PPP1R1A: variants seen among roughly 807,000 people sequenced by gnomAD.
PPP1R1A encodes the protein protein phosphatase 1 regulatory inhibitor subunit 1A, also known as protein phosphatase 1 regulatory subunit 1A.
Under a neutral mutation model 23.9 loss-of-function variants are expected in PPP1R1A, and 18 were observed. That is an observed-to-expected ratio of 0.75 (90% CI 0.52 to 1.12). The LOEUF is 1.12. Ranked by LOEUF, PPP1R1A falls within the 50% of genes most tolerant of loss-of-function variation. PPP1R1A has a pLI of 0.00. For synonymous variants in PPP1R1A, 84 were observed against 80.7 expected (o/e 1.04, Z -0.22); for missense variants, 207 against 223.8 (o/e 0.92, Z 0.48).
intron 4 of PPP1R1A, 84 bp downstream of exon 4, chr12:54,582,648 A>T: frequency 6.7e-7 from 1 of 1,486,982 alleles, no homozygotes; most frequent in Non-Finnish European, 9.3e-7. Context: ...GGCAGATTTA[A>T]CGACCTCCCT....
intron 1 of PPP1R1A, among the ~76,000 whole-genome samples, chr12:54,586,565 G>A (rs562607796): frequency 6.6e-6 from 1 of 152,312 alleles, no homozygotes; most frequent in African/African-American, 2.4e-5. Context: ...TCTGGGTTAG[G>A]AGCACCTGCC....
In PPP1R1A at chr12:54,588,585, GC is replaced by G. The variant is rs1957936319; in HGVS notation, c.-98del. 1 of 647,106 alleles carries G rather than the reference GC, an allele frequency of 1.5e-6. No homozygotes were observed. Among genetic ancestry groups the G allele is most frequent in the Non-Finnish European group, 2.1e-6 (1 of 471,670 alleles). 40.1% of individuals were successfully genotyped at this position (647,106 alleles called of 1,614,324 possible). A position where few individuals can be genotyped will look rare whatever the true frequency, so the allele number is the denominator to read the frequency against. On this transcript the variant is annotated 5_prime_UTR_variant, in exon 1 of 7. Coordinates refer to ENST00000257905, the MANE Select transcript of PPP1R1A (RefSeq NM_006741.4). ...CGCGCTCCCTCTCCGCTCCGCTCCG[GC>G]CCCGGCCCCAGCCCGGCGCGCTCGG...
In PPP1R1A at chr12:54,580,323, A is replaced by C. The variant is rs1268804149; in HGVS notation, c.*64T>G. The stretch of plus-strand genomic sequence containing the variant: ...TTTTCCCCAAAAGTGAAGGAATAAG[A>C]AACAAATCCGGTGTCCATGCATTCC... On this transcript the variant is annotated 3_prime_UTR_variant, in exon 7 of 7. Transcript: ENST00000257905. 1.1e-5 allele frequency: 18 copies of C among 1,608,382 alleles called. No homozygotes were observed. The highest frequency in any genetic ancestry group is 1.5e-5 in the Non-Finnish European group (18 of 1,177,800).
rs1042669218 is a variant in PPP1R1A at position 54,584,201 on chromosome 12, A to G, written c.145+59T>C. ...TCTTCCATCTAGCGCCCATCTTCTCATTGGGACCTGCTGCCATAGTGGCCC... is the reference window on the plus strand; with the variant it reads ...TCTTCCATCTAGCGCCCATCTTCTCGTTGGGACCTGCTGCCATAGTGGCCC... On this transcript the variant is annotated intron_variant, in intron 2 of 6. Transcript: ENST00000257905. 1.4e-5 allele frequency: 20 copies of G among 1,467,828 alleles called. 1 individual carries two copies. In the Admixed American group the frequency reaches 2.5e-4, roughly 18 times the overall value. The allele number at this position is 1,467,828 out of a possible 1,614,324, so 90.9% of individuals were successfully genotyped here. A position where few individuals can be genotyped will look rare whatever the true frequency, so the allele number is the denominator to read the frequency against.
chr12:54,588,236 G>T (rs1173471372), intron 1 of PPP1R1A, among the ~76,000 whole-genome samples, 169 bp downstream of exon 1: 8 of 151,280 alleles, frequency 5.3e-5, no homozygotes, highest in Non-Finnish European at 1.0e-4. Context: ...TGGCTCCGAC[G>T]GTGGGGGAGG....
In PPP1R1A at chr12:54,583,204, A is replaced by G; in HGVS notation, c.183+7T>C. 2 of 1,551,900 alleles carry G rather than the reference A, an allele frequency of 1.3e-6. No homozygotes were observed. Among genetic ancestry groups the G allele is most frequent in the Non-Finnish European group, 1.7e-6 (2 of 1,154,166 alleles). The stretch of plus-strand genomic sequence containing the variant: ...TGGGCTGGGCTTAGTGGGATGGGCC[A>G]GCTCACCTTGAGATGTGGGTTGGGG... On this transcript the variant is annotated splice_region_variant and intron_variant, in intron 3 of 6. Transcript: ENST00000257905.
At chr12:54,583,378 C>G in intron 2 of PPP1R1A, 130 bp from the exon 3 acceptor site, 1 of 885,994 alleles carries the variant, frequency 1.1e-6, no homozygotes, top group Non-Finnish European at 1.6e-6. Context: ...TGCCCCCAGG[C>G]TCTTGGCCCT....
intron 1 of PPP1R1A, among the ~76,000 whole-genome samples, chr12:54,585,939 T>A (rs1054486921): frequency 6.6e-6 from 1 of 152,164 alleles, no homozygotes; most frequent in African/African-American, 2.4e-5. Flanking sequence ...TGCACATGGA[T>A]GAGCCGCACA....
In PPP1R1A at chr12:54,584,299, G is replaced by A; in HGVS notation, c.106C>T (p.Pro36Ser). 6.2e-7 allele frequency: 1 copy of A among 1,604,514 alleles called. No individual in the cohort carries two copies. Among genetic ancestry groups the A allele is most frequent in the Non-Finnish European group, 8.5e-7 (1 of 1,176,050 alleles). Residue 36 changes from proline to serine, a missense_variant, in exon 2 of 7, where the codon CCT becomes TCT. Physicochemically the swap from Pro to Ser is moderately conservative, Grantham distance 74. Transcript: ENST00000257905. Reference protein sequence around the residue: ...AEQIRRRRPTPATLVLTSDQS... With the variant: ...AEQIRRRRPTSATLVLTSDQS... ...TCACTGGTCAGCACGAGGGTGGCAG[G>A]GGTGGGGCGGCGCCTCCGAATCTGA...
intron 6 of PPP1R1A, 81 bp downstream of exon 6, chr12:54,580,863 C>T: frequency 8.4e-7 from 1 of 1,193,278 alleles, no homozygotes; most frequent in East Asian, 2.3e-5. Flanking sequence ...TTTTCCTAGA[C>T]TCCAAATATT....
chr12:54,579,301 T>C lies in PPP1R1A; in HGVS notation c.*1086A>G. 1.0e-6 allele frequency: 1 copy of C among 984,372 alleles called. No homozygotes were observed. Among genetic ancestry groups the C allele is most frequent in the Non-Finnish European group, 1.2e-6 (1 of 829,824 alleles). 61.0% of individuals were successfully genotyped at this position (984,372 alleles called of 1,614,324 possible). ...AGCATCTTCACATACATACACTCTT[T>C]CCAGCATGATAAAATCTGGGTGAGG... is the stretch of plus-strand genomic sequence containing the variant. On this transcript the variant is annotated 3_prime_UTR_variant, in exon 7 of 7. Transcript: ENST00000257905.
chr12:54,583,458 T>A (rs1303585684), intron 2 of PPP1R1A, among the ~76,000 whole-genome samples: 3 of 152,228 alleles, frequency 2.0e-5, no homozygotes, highest in Non-Finnish European at 2.9e-5. Flanking sequence ...CCTCTGCATC[T>A]AGTCCCGTCC....
chr12:54,580,842 C>T, intron 6 of PPP1R1A, 102 bp downstream of exon 6: 2 of 1,018,484 alleles, frequency 2.0e-6, no homozygotes, highest in South Asian at 1.3e-5. Context: ...GAAGCTGGTT[C>T]TTTGTTTTCC....
chr12:54,580,460 T>G, intron 6 of PPP1R1A, 68 bp from the exon 7 acceptor site: 1 of 1,474,824 alleles, frequency 6.8e-7, no homozygotes, highest in Non-Finnish European at 9.4e-7. Context: ...CCCTTCCCCT[T>G]CTGGCCATCC....
chr12:54,584,518 A>G (rs930167866), intron 1 of PPP1R1A, among the ~76,000 whole-genome samples, 198 bp from the exon 2 acceptor site: 4 of 152,182 alleles, frequency 2.6e-5, no homozygotes, highest in African/African-American at 7.2e-5. Flanking sequence ...GTTCTCACTT[A>G]TAAGTGGGAG....
rs1565710651 is a variant in PPP1R1A, at chr12:54,579,961, A to G, written c.*426T>C. The G allele has an allele frequency of 4.0e-6, 4 of 994,848 alleles. No individual in the cohort carries two copies. The highest frequency in any genetic ancestry group is 4.8e-6 in the Non-Finnish European group (4 of 835,590). 61.6% of individuals were successfully genotyped at this position (994,848 alleles called of 1,614,324 possible). On this transcript the variant is annotated 3_prime_UTR_variant, in exon 7 of 7. Coordinates refer to ENST00000257905, the MANE Select transcript of PPP1R1A (RefSeq NM_006741.4). ...TTAGAGCGCCGAGTCTTCCAGCTGCAGGGCAGGCCTGTGAGGTGGTCGGAT... is the reference window on the plus strand; with the variant it reads ...TTAGAGCGCCGAGTCTTCCAGCTGCGGGGCAGGCCTGTGAGGTGGTCGGAT...
intron 6 of PPP1R1A, 125 bp downstream of exon 6, chr12:54,580,819 C>CT (rs1957847652): frequency 1.2e-6 from 1 of 866,726 alleles, no homozygotes; most frequent in African/African-American, 1.6e-5. Context: ...TAAAGAATAA[C>CT]TTTTTAGGGA....
At chr12:54,585,455 A>T (rs577917675) in intron 1 of PPP1R1A, among the ~76,000 whole-genome samples, 5 of 151,852 alleles carry the variant, frequency 3.3e-5, no homozygotes, top group African/African-American at 1.2e-4. Flanking sequence ...CAGTTCAAGG[A>T]CTCCTGGGAG....
intron 2 of PPP1R1A, 119 bp from the exon 3 acceptor site, chr12:54,583,367 C>G: frequency 9.9e-7 from 1 of 1,010,888 alleles, no homozygotes; most frequent in Non-Finnish European, 1.3e-6. Flanking sequence ...TCCCTCACAT[C>G]TGCCCCCAGG....
Sources: gnomAD v4.1 joint callset for allele counts (sites outside exome capture counted in the v4.1 genomes callset) on GRCh38, gnomAD v4.1.1 for gene constraint, MANE v1.5 for transcripts, NCBI Gene and HGNC (gene_info 2026-07-23, HGNC 2026-07-21) for gene names.